Variants in ASAP1 observed in about 807,000 individuals in gnomAD.
The protein encoded by ASAP1 is arf-GAP with SH3 domain, ANK repeat and PH domain-containing protein 1.
In ASAP1, 43 loss-of-function variants were observed where a neutral mutation model predicts 145.2. That is an observed-to-expected ratio of 0.30 (90% CI 0.23 to 0.38). The LOEUF is 0.38. ASAP1 is among the 10% of genes least tolerant of loss of function. The pLI is 1.00. For missense variants in ASAP1, 1,018 were observed against 1,355.3 expected, an observed-to-expected ratio of 0.75 and a Z score of 3.91; for synonymous variants, 546 against 515.5, an observed-to-expected ratio of 1.06 and a Z score of -0.80.
At chr8:130,094,627 G>A (rs927275248) in intron 24 of ASAP1, among the ~76,000 whole-genome samples, 1 of 152,166 alleles carries the variant, frequency 6.6e-6, no homozygotes, top group Non-Finnish European at 1.5e-5. Flanking sequence ...CGAGAACTCA[G>A]AGGCATGATT....
At chr8:130,250,275 G>A (rs1259915829) in intron 3 of ASAP1, among the ~76,000 whole-genome samples, 1 of 152,038 alleles carries the variant, frequency 6.6e-6, no homozygotes, top group East Asian at 1.9e-4. Context: ...TGGAGATGAA[G>A]AAATTAAGTC....
chr8:130,086,365 C>A (rs1380009791), intron 25 of ASAP1, among the ~76,000 whole-genome samples: 2 of 152,208 alleles, frequency 1.3e-5, no homozygotes, highest in Non-Finnish European at 1.5e-5. Flanking sequence ...TTAACACATG[C>A]GAAGTGCTCA....
At chr8:130,246,216 T>TAGATGAGTGAAGGG (rs1256660519) in intron 3 of ASAP1, among the ~76,000 whole-genome samples, 1 of 151,964 alleles carries the variant, frequency 6.6e-6, no homozygotes, top group Non-Finnish European at 1.5e-5. Context: ...CGAGAGAGAC[T>TAGATGAGTGAAGGG]AGATGAGTGA....
chr8:130,081,091 C>T (rs1181765776), intron 25 of ASAP1, among the ~76,000 whole-genome samples: 1 of 152,196 alleles, frequency 6.6e-6, no homozygotes, highest in Non-Finnish European at 1.5e-5. Context: ...ATGAGATGAA[C>T]ATCAGTTGCT....
intron 3 of ASAP1, among the ~76,000 whole-genome samples, chr8:130,264,432 T>G (rs1820122067): frequency 6.6e-6 from 1 of 152,176 alleles, no homozygotes; most frequent in South Asian, 2.1e-4. Context: ...GCAGCTGACT[T>G]GGCTAGCAGG....
At chr8:130,222,218 T>A (rs1420462368) in intron 4 of ASAP1, among the ~76,000 whole-genome samples, 2 of 152,180 alleles carry the variant, frequency 1.3e-5, no homozygotes, top group African/African-American at 4.8e-5. Context: ...ACCACAGCAA[T>A]TATTAAATAG....
intron 12 of ASAP1, among the ~76,000 whole-genome samples, chr8:130,158,252 G>A (rs1033995222): frequency 6.6e-6 from 1 of 151,722 alleles, no homozygotes; most frequent in Non-Finnish European, 1.5e-5. Flanking sequence ...AGTCATGCCC[G>A]TAATCCCAAT....
chr8:130,240,975 C>T (rs1341965598), intron 3 of ASAP1, among the ~76,000 whole-genome samples: 1 of 152,046 alleles, frequency 6.6e-6, no homozygotes, highest in African/African-American at 2.4e-5. Context: ...ATTATACAAA[C>T]CAGACCATAA....
chr8:130,435,034 C>A (rs114186910), intron 1 of ASAP1, among the ~76,000 whole-genome samples: 40 of 152,334 alleles, frequency 2.6e-4, no homozygotes, highest in East Asian at 1.4e-3. Context: ...CTGGAAGGCA[C>A]GCTGTCCCAT....
intron 2 of ASAP1, among the ~76,000 whole-genome samples, chr8:130,398,414 G>A (rs577394170): frequency 7.9e-5 from 12 of 152,186 alleles, no homozygotes; most frequent in Admixed American, 3.9e-4. Context: ...TGGTATAGTA[G>A]TAATAATAGT....
At chr8:130,367,903 G>A (rs1010828250) in intron 2 of ASAP1, among the ~76,000 whole-genome samples, 1 of 152,132 alleles carries the variant, frequency 6.6e-6, no homozygotes, top group Non-Finnish European at 1.5e-5. Context: ...ATCATAACAG[G>A]ATTTTTCCAT....
At chr8:130,153,665 G>A (rs768400459) in intron 12 of ASAP1, among the ~76,000 whole-genome samples, 2 of 151,922 alleles carry the variant, frequency 1.3e-5, no homozygotes, top group Admixed American at 6.6e-5. Context: ...ACTGTGACTG[G>A]CCGTGGCACT....
intron 5 of ASAP1, 56 bp downstream of exon 5, chr8:130,214,500 G>C: frequency 6.7e-7 from 1 of 1,485,936 alleles, no homozygotes; most frequent in East Asian, 2.3e-5. Flanking sequence ...TTCTCTATAT[G>C]ACGTAATATT....
At position 130,358,625 on chromosome 8, in the gene ASAP1, G is replaced by C. The variant is rs1195262480; in HGVS notation, c.60-482C>G. On this transcript the variant is annotated intron_variant, in intron 2 of 29. Transcript: ENST00000518721. This position sits in a 1 kb window ranked among gnomAD's most constrained non-coding sequence, Gnocchi z 4.1. ...GCACACTCCCGCGGCGGGCGGGCGGGCGGGCGGCGCTCGCGCTGCAGTCAC... is the reference window on the plus strand; with the variant it reads ...GCACACTCCCGCGGCGGGCGGGCGGCCGGGCGGCGCTCGCGCTGCAGTCAC... 6.8e-6 allele frequency among the ~76,000 whole-genome samples: 1 copy of C among 147,252 alleles called. No individual in the cohort carries two copies. The highest frequency in any genetic ancestry group is 1.5e-5 in the Non-Finnish European group (1 of 66,116).
intron 3 of ASAP1, among the ~76,000 whole-genome samples, chr8:130,269,941 A>T (rs1820491329): frequency 6.6e-6 from 1 of 152,184 alleles, no homozygotes; most frequent in South Asian, 2.1e-4. Context: ...AGGCGAAGGC[A>T]GTTAGATCAC....
chr8:130,079,887 G>A lies in ASAP1; in HGVS notation c.2642+15C>T, dbSNP rs376417360. The A allele has an allele frequency of 7.3e-5, 118 of 1,611,580 alleles. 5 individuals are homozygous for A. The Middle Eastern group carries it at 8.9e-3, about 122-fold the overall frequency. Reference sequence around the variant, plus strand: ...ATGGATCCAACAGGGGAAATGAAGCGCTGAGATGGCTTACCTCGACTGCTG... The same window carrying A: ...ATGGATCCAACAGGGGAAATGAAGCACTGAGATGGCTTACCTCGACTGCTG... On this transcript the variant is annotated intron_variant, in intron 26 of 29. Coordinates refer to ENST00000518721, the MANE Select transcript of ASAP1 (RefSeq NM_018482.4).
intron 29 of ASAP1, among the ~76,000 whole-genome samples, chr8:130,057,253 T>C (rs1483313500): frequency 6.6e-6 from 1 of 152,148 alleles, no homozygotes; most frequent in East Asian, 1.9e-4. Context: ...ACATAGGCTC[T>C]GGGGTCAGGG....
At chr8:130,242,144 TC>T (rs1267323123) in intron 3 of ASAP1, among the ~76,000 whole-genome samples, 1 of 150,586 alleles carries the variant, frequency 6.6e-6, no homozygotes, top group Non-Finnish European at 1.5e-5. Context: ...GAGCAGGTGC[TC>T]AAAAATGACC....
intron 9 of ASAP1, among the ~76,000 whole-genome samples, chr8:130,175,551 C>T (rs1279889129): frequency 6.6e-6 from 1 of 151,998 alleles, no homozygotes; most frequent in Non-Finnish European, 1.5e-5. Flanking sequence ...TTTATATATT[C>T]TGGATATCAG....
Sources: gnomAD v4.1 joint callset for allele counts (sites outside exome capture counted in the v4.1 genomes callset) on GRCh38, gnomAD v4.1.1 for gene constraint, Gnocchi (gnomAD v3.1) non-coding constraint, MANE v1.5 for transcripts, NCBI Gene and HGNC (gene_info 2026-07-23, HGNC 2026-07-21) for gene names.